Variants in ADAM32 observed in about 807,000 individuals in gnomAD.
The protein encoded by ADAM32 is ADAM metallopeptidase domain 32, also known as disintegrin and metalloproteinase domain-containing protein 32.
ADAM32 carries 89 observed loss-of-function variants against 114.9 expected under a neutral mutation model. The ratio of observed to expected loss-of-function variants is 0.77; its 90% CI spans 0.65 to 0.92. The LOEUF (loss-of-function observed/expected upper bound fraction) is 0.92. ADAM32 is among the 40% of genes least tolerant of loss of function. The pLI, the probability that ADAM32 is intolerant of heterozygous loss-of-function variation, is 0.00. For synonymous variants in ADAM32, 285 were observed against 307.5 expected (o/e 0.93, Z 0.77); for missense variants, 870 against 932.8 (o/e 0.93, Z 0.88).
At position 39,223,128 on chromosome 8, in the gene ADAM32, G is replaced by A; in HGVS notation, c.1415G>A (p.Gly472Asp). ...ENCNGTSPEC[G>D]PDITLINGLS... ...TGTAATGGAACCTCACCAGAATGTG[G>A]TCCTGACATAACTTTAATCAATGGA... is the stretch of plus-strand genomic sequence containing the variant. Residue 472 changes from glycine to aspartate, a missense_variant, in exon 14 of 25, where the codon GGT becomes GAT. Coordinates refer to ENST00000379907, the MANE Select transcript of ADAM32 (RefSeq NM_145004.7). 1 of 1,597,996 alleles carries A rather than the reference G, an allele frequency of 6.3e-7. No homozygotes were observed. The highest frequency in any genetic ancestry group is 8.5e-7 in the Non-Finnish European group (1 of 1,172,314).
chr8:39,134,009 C>G (rs1353128535), intron 2 of ADAM32, among the ~76,000 whole-genome samples: 2 of 152,144 alleles, frequency 1.3e-5, no homozygotes, highest in Non-Finnish European at 2.9e-5. Context: ...CAGGTGGCAG[C>G]CTTCCCAATG....
At chr8:39,157,593 T>G (rs895608178) in intron 6 of ADAM32, 7 of 548,628 alleles carry the variant, frequency 1.3e-5, no homozygotes, top group Non-Finnish European at 2.4e-5. Flanking sequence ...CATGAATGCT[T>G]CTTCTCCATG....
At chr8:39,219,531 T>C (rs994668853) in intron 12 of ADAM32, among the ~76,000 whole-genome samples, 1 of 152,150 alleles carries the variant, frequency 6.6e-6, no homozygotes, top group East Asian at 1.9e-4. Context: ...CTTTACACTG[T>C]GTCAGGGCAA....
At chr8:39,236,357 A>T (rs1187475276) in intron 16 of ADAM32, among the ~76,000 whole-genome samples, 2 of 152,144 alleles carry the variant, frequency 1.3e-5, no homozygotes, top group African/African-American at 4.8e-5. Context: ...GTACTCAGGG[A>T]TAGTCTTGTT....
intron 12 of ADAM32, among the ~76,000 whole-genome samples, chr8:39,218,806 A>G (rs1041239649): frequency 1.3e-5 from 2 of 151,998 alleles, no homozygotes; most frequent in African/African-American, 4.8e-5. Flanking sequence ...AGTGCTATCT[A>G]AGAGAAAAGT....
intron 1 of ADAM32, among the ~76,000 whole-genome samples, chr8:39,112,505 T>C (rs1037015526): frequency 2.6e-5 from 4 of 152,252 alleles, no homozygotes; most frequent in Non-Finnish European, 5.9e-5. Context: ...TTAAAGTTAT[T>C]TTACAACTTT....
At chr8:39,264,506 T>C (rs531544409) in intron 19 of ADAM32, among the ~76,000 whole-genome samples, 5 of 152,286 alleles carry the variant, frequency 3.3e-5, no homozygotes, top group Admixed American at 3.3e-4. Context: ...AAAGAAACTT[T>C]CGGTTTTATT....
chr8:39,186,989 C>A lies in ADAM32; in HGVS notation c.996C>A (p.Asp332Glu). 3 of 1,613,058 alleles carry A rather than the reference C, an allele frequency of 1.9e-6. No individual in the cohort carries two copies. Among genetic ancestry groups the A allele is most frequent in the Non-Finnish European group, 2.5e-6 (3 of 1,179,330 alleles). The change falls in exon 11 of 25, where the codon GAC becomes GAA. Residue 332 changes from aspartate (D) to glutamate (E), a missense_variant. Coordinates refer to ENST00000379907, the MANE Select transcript of ADAM32 (RefSeq NM_145004.7). The part of the protein sequence containing the change: ...MLALSLGISY[D>E]DPKKCQCSES... ...CACTCAGTCTGGGAATATCATATGA[C>A]GACCCAAAGAAATGTCAATGTTCAG...
intron 17 of ADAM32, among the ~76,000 whole-genome samples, chr8:39,250,391 C>T (rs992040036): frequency 2.0e-5 from 3 of 151,690 alleles, no homozygotes; most frequent in African/African-American, 7.3e-5. Context: ...TTCTTCATTT[C>T]TGTTGCAGTG....
intron 19 of ADAM32, among the ~76,000 whole-genome samples, chr8:39,262,453 G>A (rs746116633): frequency 2.0e-5 from 3 of 152,106 alleles, no homozygotes; most frequent in Non-Finnish European, 4.4e-5. Flanking sequence ...TCTCAGCTTT[G>A]TAGTATATTT....
Position 39,257,275 on chromosome 8 carries a change from C to T in ADAM32, c.2094C>T (p.Thr698=), listed in dbSNP as rs61753545. 2.5e-4 allele frequency: 407 copies of T among 1,612,796 alleles called. No individual in the cohort carries two copies. Among genetic ancestry groups the T allele is most frequent in the Non-Finnish European group, 2.9e-4 (341 of 1,179,336 alleles). The change falls in exon 19 of 25, where the codon ACC becomes ACT. Residue 698 remains threonine (T), a synonymous_variant. Transcript: ENST00000379907. ...LIALPILIVT[T]AIVLARKQLK... is the part of the protein sequence containing the mutation. Reference sequence around the variant, plus strand: ...CTCTTCCTATTCTCATTGTAACAACCGCAATAGTTTTGGCAAGGAAACAGT... The same window carrying T: ...CTCTTCCTATTCTCATTGTAACAACTGCAATAGTTTTGGCAAGGAAACAGT...
At chr8:39,247,593 TG>T (rs1811012221) in intron 17 of ADAM32, among the ~76,000 whole-genome samples, 1 of 152,158 alleles carries the variant, frequency 6.6e-6, no homozygotes, top group Non-Finnish European at 1.5e-5. Flanking sequence ...ATAACAGTCA[TG>T]TATCTGATGT....
At chr8:39,144,687 A>G (rs1234145599) in intron 3 of ADAM32, among the ~76,000 whole-genome samples, 1 of 152,214 alleles carries the variant, frequency 6.6e-6, no homozygotes, top group Non-Finnish European at 1.5e-5. Flanking sequence ...TGACAAAGCC[A>G]TAGCTAACAT....
At chr8:39,270,165 A>G (rs1465452403) in intron 19 of ADAM32, among the ~76,000 whole-genome samples, 1 of 152,212 alleles carries the variant, frequency 6.6e-6, no homozygotes, top group Non-Finnish European at 1.5e-5. Context: ...AAGCCTAACC[A>G]TACCAGTTGT....
intron 11 of ADAM32, 102 bp downstream of exon 11, chr8:39,187,147 G>T: frequency 9.6e-7 from 1 of 1,043,462 alleles, no homozygotes. Flanking sequence ...GCTATCAATG[G>T]ACCAAATTCA....
At chr8:39,168,548 G>A (rs953175018) in intron 9 of ADAM32, 5 of 152,050 alleles carry the variant, frequency 3.3e-5, no homozygotes, top group Admixed American at 6.6e-5. Flanking sequence ...TCAGGCTTTC[G>A]GCTCCCAACA....
rs1805084993 is a variant in ADAM32 at position 39,169,921 on chromosome 8, T to C, written c.839T>C (p.Met280Thr). ...ATGTAAATTTATTTATTTAGTTATATGGATTATCCTCGTTATTTGGGAGCA... is the reference window on the plus strand; with the variant it reads ...ATGTAAATTTATTTATTTAGTTATACGGATTATCCTCGTTATTTGGGAGCA... Reference protein sequence around the residue: ...PHDIAYLLIYMDYPRYLGAVF... With the variant: ...PHDIAYLLIYTDYPRYLGAVF... Residue 280 changes from methionine (M) to threonine (T), a missense_variant, in exon 10 of 25, where the codon ATG (methionine) becomes ACG (threonine). Transcript: ENST00000379907. 1.3e-6 allele frequency: 2 copies of C among 1,577,724 alleles called. No individual in the cohort carries two copies. Among genetic ancestry groups the C allele is most frequent in the Non-Finnish European group, 1.7e-6 (2 of 1,154,660 alleles).
chr8:39,173,276 C>G (rs1248974370), intron 10 of ADAM32, among the ~76,000 whole-genome samples: 1 of 152,154 alleles, frequency 6.6e-6, no homozygotes, highest in Non-Finnish European at 1.5e-5. Context: ...AACAAGCAAA[C>G]AAACAAACCA....
intron 6 of ADAM32, among the ~76,000 whole-genome samples, chr8:39,153,388 G>A (rs139274449): frequency 1.4e-3 from 208 of 152,294 alleles, no homozygotes; most frequent in Non-Finnish European, 2.2e-3. Flanking sequence ...ATTTTTGTGG[G>A]GATGATGCAG....
Sources: allele counts gnomAD v4.1 joint callset (sites outside exome capture counted in the v4.1 genomes callset), GRCh38; gene constraint gnomAD v4.1.1; transcripts MANE v1.5; gene names NCBI Gene and HGNC (gene_info 2026-07-23, HGNC 2026-07-21).